Variants in ELFN1 observed in about 807,000 individuals in gnomAD.
ELFN1 encodes the protein protein ELFN1.
ELFN1 carries 6 observed loss-of-function variants against 7.6 expected under a neutral mutation model. The ratio of observed to expected loss-of-function variants is 0.79; its 90% CI spans 0.43 to 1.56. The LOEUF (loss-of-function observed/expected upper bound fraction) is 1.56. ELFN1 is among the 40% of genes most tolerant of loss of function. ELFN1 has a pLI of 0.01. For synonymous variants in ELFN1, 657 were observed against 588.1 expected, an observed-to-expected ratio of 1.12 and a Z score of -1.70; for missense variants, 1,169 against 1,232.2, an observed-to-expected ratio of 0.95 and a Z score of 0.77.
At chr7:1,714,281 C>T (rs1303857496) in intron 3 of ELFN1, among the ~76,000 whole-genome samples, 3 of 152,114 alleles carry the variant, frequency 2.0e-5, no homozygotes, top group African/African-American at 7.2e-5. Flanking sequence ...TGCGGAGGGG[C>T]CAGGCTTAAC....
rs1014251273 is a variant in ELFN1 at position 1,746,563 on chromosome 7, C to T, written c.1967C>T (p.Ala656Val). ...VRSPRAFRAE[A>V]VGVHKAAAAE... ...AGCCCCCGCGCCTTCCGAGCCGAGG[C>T]CGTCGGGGTGCACAAGGCCGCGGCC... is the stretch of plus-strand genomic sequence containing the variant. The change falls in exon 4 of 4, where the codon GCC becomes GTC. Residue 656 changes from alanine to valine, a missense_variant. Transcript: ENST00000424383. 6 of 1,359,724 alleles carry T rather than the reference C, an allele frequency of 4.4e-6. No individual in the cohort carries two copies. Among genetic ancestry groups the T allele is most frequent in the South Asian group, 1.7e-5 (1 of 59,156 alleles). 84.2% of individuals were successfully genotyped at this position (1,359,724 alleles called of 1,614,324 possible).
intron 2 of ELFN1, among the ~76,000 whole-genome samples, chr7:1,704,612 G>T (rs540989882): frequency 6.6e-6 from 1 of 152,054 alleles, no homozygotes; most frequent in African/African-American, 2.4e-5. Flanking sequence ...GGGGTCCTGA[G>T]TGTGACCTGG....
intron 2 of ELFN1, among the ~76,000 whole-genome samples, chr7:1,703,099 T>C (rs1249835199): frequency 1.3e-5 from 2 of 152,186 alleles, no homozygotes; most frequent in Non-Finnish European, 2.9e-5. Context: ...GATGGGCCCA[T>C]GGTGTCTCAC....
In ELFN1 at chr7:1,744,893, C is replaced by G. The variant is rs202117598; in HGVS notation, c.297C>G (p.Ile99Met). 6.4e-7 allele frequency: 1 copy of G among 1,559,432 alleles called. No homozygotes were observed. Among genetic ancestry groups the G allele is most frequent in the Admixed American group, 1.9e-5 (1 of 51,802 alleles). Residue 99 changes from isoleucine to methionine, a missense_variant, in exon 4 of 4, where the codon ATC (isoleucine) becomes ATG (methionine). By Grantham distance (10) the Ile-to-Met change is conservative (BLOSUM62 1). Around this residue, in one of 2 missense-constraint regions of ELFN1, gnomAD observed 255 missense variants for 359.6 expected, o/e 0.71. Coordinates refer to ENST00000424383, the MANE Select transcript of ELFN1 (RefSeq NM_001128636.4). ...LNLTKNEIGYIEDGAFSGQFN... is the reference protein window; with the variant it reads ...LNLTKNEIGYMEDGAFSGQFN... The stretch of plus-strand genomic sequence containing the variant: ...TCACCAAGAACGAGATCGGCTACAT[C>G]GAGGACGGCGCCTTCTCGGGCCAGT...
At chr7:1,670,213 C>T (rs990978178), upstream of ELFN1, among the ~76,000 whole-genome samples, 1 of 151,010 alleles carries the variant, frequency 6.6e-6, no homozygotes, top group Non-Finnish European at 1.5e-5. This position sits in a 1 kb window ranked among gnomAD's most constrained non-coding sequence, Gnocchi z 6.4. Flanking sequence ...AATTCCCCCC[C>T]GGCCGCGCGG....
rs371567558 is a variant in ELFN1 at position 1,744,899 on chromosome 7, C to T, written c.303C>T (p.Asp101=). ...AGAACGAGATCGGCTACATCGAGGA[C>T]GGCGCCTTCTCGGGCCAGTTCAACC... ...LTKNEIGYIE[D]GAFSGQFNLQ... Residue 101 remains aspartate, a synonymous_variant, in exon 4 of 4, where the codon GAC becomes GAT. Coordinates refer to ENST00000424383, the MANE Select transcript of ELFN1 (RefSeq NM_001128636.4). 234 of 1,557,566 alleles carry T rather than the reference C, an allele frequency of 1.5e-4. No individual in the cohort carries two copies. The African/African-American group carries it at 2.1e-3, about 14-fold the overall frequency.
chr7:1,692,601 C>T (rs879740071), intron 2 of ELFN1, among the ~76,000 whole-genome samples: 2 of 152,242 alleles, frequency 1.3e-5, no homozygotes, highest in Admixed American at 6.5e-5. Context: ...TCGTCATGTA[C>T]GCTAGATGCA....
At chr7:1,679,830 T>C (rs1462786741) in intron 1 of ELFN1, among the ~76,000 whole-genome samples, 1 of 152,152 alleles carries the variant, frequency 6.6e-6, no homozygotes, top group Non-Finnish European at 1.5e-5. Flanking sequence ...GGGCGTGGTG[T>C]CCCCAGTCCT....
rs894505667 is a variant in ELFN1, at chr7:1,701,049, C to T, written c.-455-8042C>T. 7.9e-5 allele frequency among the ~76,000 whole-genome samples: 12 copies of T among 152,092 alleles called. 1 individual carries two copies. The highest frequency in any genetic ancestry group is 7.9e-4 in the Admixed American group (12 of 15,276). Reference sequence around the variant, plus strand: ...GTGTAGCTTGTGTTTTAATACTTTGCATGATGTATGTATGCGTGTGTATGT... The same window carrying T: ...GTGTAGCTTGTGTTTTAATACTTTGTATGATGTATGTATGCGTGTGTATGT... On this transcript the variant is annotated intron_variant, in intron 2 of 3. Transcript: ENST00000424383.
Position 1,670,460 on chromosome 7 carries a change from C to T in ELFN1, c.-549+106C>T, listed in dbSNP as rs991032154. ...CCCCGCCACCTCGAACCCCGGGCGT[C>T]CCCGAGTGCGCAGCGTGCGCCCCCA... On this transcript the variant is annotated intron_variant, in intron 1 of 3. Coordinates refer to ENST00000424383, the MANE Select transcript of ELFN1 (RefSeq NM_001128636.4). This position sits in a 1 kb window ranked among gnomAD's most constrained non-coding sequence, Gnocchi z 6.4. 2.0e-5 allele frequency among the ~76,000 whole-genome samples: 3 copies of T among 151,302 alleles called. No individual in the cohort carries two copies. Among genetic ancestry groups the T allele is most frequent in the Admixed American group, 6.6e-5 (1 of 15,250 alleles).
chr7:1,696,433 C>G (rs1779315422), intron 2 of ELFN1, among the ~76,000 whole-genome samples: 2 of 150,790 alleles, frequency 1.3e-5, no homozygotes, highest in South Asian at 4.2e-4. Flanking sequence ...CCTCTGTCAC[C>G]CGGGCTGGAG....
intron 1 of ELFN1, among the ~76,000 whole-genome samples, chr7:1,682,662 C>A (rs1160549320): frequency 7.0e-6 from 1 of 142,186 alleles, no homozygotes; most frequent in Non-Finnish European, 1.5e-5. Context: ...TGAGGCTGGT[C>A]TTGAACTCCT....
rs555927454 is a variant in ELFN1, at chr7:1,673,702, A to G, written c.-549+3348A>G. Among the ~76,000 whole-genome samples the G allele has an allele frequency of 1.9e-4, 29 of 152,340 alleles. No individual in the cohort carries two copies. The highest frequency in any genetic ancestry group is 7.0e-4 in the African/African-American group (29 of 41,586). On this transcript the variant is annotated intron_variant, in intron 1 of 3. Transcript: ENST00000424383. This position sits in a 1 kb window ranked among gnomAD's most constrained non-coding sequence, Gnocchi z 4.7. ...GCTGCCTTGGAGCTGGCATCCCCAG[A>G]TGGAAAGACAATGGTCTCACAAATA...
At chr7:1,679,151 A>C (rs1426331405) in intron 1 of ELFN1, among the ~76,000 whole-genome samples, 2 of 151,322 alleles carry the variant, frequency 1.3e-5, no homozygotes, top group Non-Finnish European at 2.9e-5. Flanking sequence ...GTGCGCGCAC[A>C]CACACACGCG....
At chr7:1,692,166 T>C (rs1779180038) in intron 2 of ELFN1, 1 of 152,348 alleles carries the variant, frequency 6.6e-6, no homozygotes, top group Admixed American at 6.5e-5. Context: ...GGCCTCAGTT[T>C]CTCCACTTTC....
intron 2 of ELFN1, among the ~76,000 whole-genome samples, chr7:1,697,989 C>T (rs1052960636): frequency 2.0e-5 from 3 of 152,182 alleles, no homozygotes; most frequent in African/African-American, 7.2e-5. Context: ...GGCCGGCGGG[C>T]GGGCGCTGAC....
intron 1 of ELFN1, among the ~76,000 whole-genome samples, chr7:1,676,973 A>C (rs892001953): frequency 2.8e-4 from 43 of 152,288 alleles, no homozygotes; most frequent in African/African-American, 1.0e-3. Flanking sequence ...GGAATGAGCC[A>C]CCCAGGGGAC....
intron 2 of ELFN1, chr7:1,692,976 C>T (rs1779204681): frequency 7.8e-6 from 2 of 257,786 alleles, no homozygotes; most frequent in South Asian, 5.2e-5. Flanking sequence ...CCACGCTCTG[C>T]CATGTGCTGG....
intron 1 of ELFN1, among the ~76,000 whole-genome samples, chr7:1,678,015 C>T (rs1385999658): frequency 6.6e-6 from 1 of 152,146 alleles, no homozygotes. Flanking sequence ...CATGCTACAT[C>T]TGAGGGCTGT....
Sources: allele counts gnomAD v4.1 joint callset (sites outside exome capture counted in the v4.1 genomes callset), GRCh38; gene constraint gnomAD v4.1.1; regional missense constraint gnomAD v4.1.1; non-coding constraint Gnocchi (gnomAD v3.1); transcripts MANE v1.5; gene names NCBI Gene and HGNC (gene_info 2026-07-23, HGNC 2026-07-21).